The following BNIP1 variants were observed in gnomAD, a reference collection of about 807,000 sequenced individuals.
BNIP1 encodes the protein BCL2 interacting protein 1.
A neutral mutation model predicts 28.5 loss-of-function variants in BNIP1; 25 were observed. That is an observed-to-expected ratio of 0.88 (90% CI 0.64 to 1.23). The LOEUF (loss-of-function observed/expected upper bound fraction) is 1.23, where lower values mean the gene tolerates loss of function less well. Among genes scored for constraint, BNIP1 ranks in the 50% most tolerant of loss-of-function variants. BNIP1 has a pLI of 0.00. For missense variants in BNIP1, 276 were observed against 277.0 expected (o/e 1.00, Z 0.02); for synonymous variants, 118 against 101.7 (o/e 1.16, Z -0.96).
At chr5:173,162,442 G>A (rs1459415425) in intron 5 of BNIP1, among the ~76,000 whole-genome samples, 1 of 152,160 alleles carries the variant, frequency 6.6e-6, no homozygotes, top group Non-Finnish European at 1.5e-5. Context: ...TGACCAACAT[G>A]TTGAAACCCT....
chr5:173,150,133 C>T (rs549263203), intron 2 of BNIP1, among the ~76,000 whole-genome samples: 4 of 152,166 alleles, frequency 2.6e-5, no homozygotes, highest in South Asian at 4.2e-4. Flanking sequence ...TGACCCGTGC[C>T]TGTAATCCCA....
intron 2 of BNIP1, among the ~76,000 whole-genome samples, chr5:173,151,317 C>G (rs994007400): frequency 6.6e-6 from 1 of 151,878 alleles, no homozygotes; most frequent in African/African-American, 2.4e-5. Flanking sequence ...TTCCCAGGCT[C>G]AAGCGATTTT....
In BNIP1 at chr5:173,144,587, A is replaced by C. The variant is rs5745100; in HGVS notation, c.42A>C (p.Gln14His). ...ACGTCCACGTCCGGATCTGTAACCAAGAGATTGTCAAATTTGACCTGGAGG... is the reference window on the plus strand; with the variant it reads ...ACGTCCACGTCCGGATCTGTAACCACGAGATTGTCAAATTTGACCTGGAGG... Reference protein sequence around the residue: ...PQDVHVRICNQEIVKFDLEVK... With the variant: ...PQDVHVRICNHEIVKFDLEVK... The change falls in exon 1 of 6, where the codon CAA becomes CAC. Residue 14 changes from glutamine (Q) to histidine (H), a missense_variant. By Grantham distance (24) the Gln-to-His change is conservative. Transcript: ENST00000351486. The C allele has an allele frequency of 4.8e-4, 767 of 1,613,540 alleles. 8 individuals are homozygous for C. In the African/African-American group the frequency reaches 9.2e-3, roughly 19 times the overall value.
chr5:173,160,108 G>T, intron 5 of BNIP1, 57 bp downstream of exon 5: 1 of 1,520,230 alleles, frequency 6.6e-7, no homozygotes, highest in Non-Finnish European at 9.0e-7. Flanking sequence ...TAGGGCCCTT[G>T]CCCTGGCACC....
chr5:173,149,479 A>G (rs1759954276), intron 2 of BNIP1, among the ~76,000 whole-genome samples: 1 of 151,990 alleles, frequency 6.6e-6, no homozygotes, highest in Non-Finnish European at 1.5e-5. Flanking sequence ...CCCATGACAT[A>G]TTGTGAGAGT....
intron 3 of BNIP1, among the ~76,000 whole-genome samples, chr5:173,155,820 G>C (rs745631376): frequency 3.3e-5 from 5 of 152,090 alleles, no homozygotes; most frequent in African/African-American, 1.2e-4. Flanking sequence ...GGGCTCAAGC[G>C]ATCCTCTCAC....
chr5:173,157,111 C>A (rs1760223546), intron 3 of BNIP1, among the ~76,000 whole-genome samples: 2 of 152,146 alleles, frequency 1.3e-5, no homozygotes, highest in Non-Finnish European at 2.9e-5. Context: ...AGGAGAAGTA[C>A]TGCCCCTCAT....
chr5:173,148,587 G>A (rs1001570321), intron 2 of BNIP1, among the ~76,000 whole-genome samples: 1 of 152,098 alleles, frequency 6.6e-6, no homozygotes, highest in African/African-American at 2.4e-5. Flanking sequence ...GGAATCCTGT[G>A]TAGGCCCTCT....
chr5:173,155,820 G>A (rs745631376), intron 3 of BNIP1, among the ~76,000 whole-genome samples: 3 of 152,090 alleles, frequency 2.0e-5, no homozygotes, highest in Non-Finnish European at 1.5e-5. Context: ...GGGCTCAAGC[G>A]ATCCTCTCAC....
At chr5:173,148,812 G>A (rs1759939152) in intron 2 of BNIP1, among the ~76,000 whole-genome samples, 1 of 152,044 alleles carries the variant, frequency 6.6e-6, no homozygotes, top group Non-Finnish European at 1.5e-5. Flanking sequence ...AGGGAACTCT[G>A]GATCTCCTGG....
At chr5:173,148,079 AAAAAATATATATATATATAT>A (rs1759899449) in intron 2 of BNIP1, among the ~76,000 whole-genome samples, 1 of 49,698 alleles carries the variant, frequency 2.0e-5, no homozygotes, top group Non-Finnish European at 3.5e-5. Context: ...AAAAAAAAAA[AAAAAATATATATATATATAT>A]ATATATATAT....
chr5:173,162,784 A>C (rs947459148), intron 5 of BNIP1, among the ~76,000 whole-genome samples: 1 of 152,122 alleles, frequency 6.6e-6, no homozygotes, highest in African/African-American at 2.4e-5. Flanking sequence ...AAAGGGACAC[A>C]AAAAAGATCA....
At chr5:173,154,217 G>C (rs1760112948) in intron 2 of BNIP1, 105 bp from the exon 3 acceptor site, 1 of 891,008 alleles carries the variant, frequency 1.1e-6, no homozygotes, top group African/African-American at 1.7e-5. Context: ...GTTTTAAAAG[G>C]GTGCTTCAAG....
chr5:173,148,138 T>C (rs1456340829), intron 2 of BNIP1, among the ~76,000 whole-genome samples: 1 of 107,990 alleles, frequency 9.3e-6, no homozygotes, highest in Non-Finnish European at 1.8e-5. Flanking sequence ...ATATATATAT[T>C]TTAATAGAGA....
At chr5:173,154,559 A>C in intron 3 of BNIP1, 146 bp downstream of exon 3, 1 of 631,542 alleles carries the variant, frequency 1.6e-6, no homozygotes, top group Non-Finnish European at 2.7e-6. Flanking sequence ...GTCTCGCTCT[A>C]TTGCCCAGGC....
chr5:173,155,167 G>A (rs1050323381), intron 3 of BNIP1, among the ~76,000 whole-genome samples: 9 of 152,058 alleles, frequency 5.9e-5, no homozygotes, highest in African/African-American at 2.2e-4. Flanking sequence ...ACAAAATTGA[G>A]GTCAAAAATT....
Position 173,146,847 on chromosome 5 carries a change from T to C in BNIP1, c.85-19T>C. 6.3e-7 allele frequency: 1 copy of C among 1,592,506 alleles called. No homozygotes were observed. Among genetic ancestry groups the C allele is most frequent in the Non-Finnish European group, 8.6e-7 (1 of 1,160,542 alleles). On this transcript the variant is annotated intron_variant, in intron 1 of 5. Transcript: ENST00000351486. ...TCATTGCCTTGAGAAAGGCCTTTCA[T>C]CTGTTCAATGTCTCCTAGGATATCC...
In BNIP1 at chr5:173,154,479, G is replaced by A. The variant is rs924756381; in HGVS notation, c.269+66G>A. On this transcript the variant is annotated intron_variant, in intron 3 of 5. Coordinates refer to ENST00000351486, the MANE Select transcript of BNIP1 (RefSeq NM_001205.3). ...TTCTTGTTGCCTGTGAGCCTTGCACGTGTGTTTGCCTGATGGATCTGCTTT... is the reference window on the plus strand; with the variant it reads ...TTCTTGTTGCCTGTGAGCCTTGCACATGTGTTTGCCTGATGGATCTGCTTT... The A allele has an allele frequency of 9.9e-6, 13 of 1,318,746 alleles. No homozygotes were observed. In the African/African-American group the frequency reaches 1.3e-4, roughly 14 times the overall value. 81.7% of individuals were successfully genotyped at this position (1,318,746 alleles called of 1,614,324 possible).
At chr5:173,159,520 A>C (rs766380753) in intron 4 of BNIP1, among the ~76,000 whole-genome samples, 5 of 151,974 alleles carry the variant, frequency 3.3e-5, no homozygotes, top group Middle Eastern at 3.4e-3. Context: ...CTAACAGTAC[A>C]TAGTATGTAG....
Sources: allele counts gnomAD v4.1 joint callset (sites outside exome capture counted in the v4.1 genomes callset), GRCh38; gene constraint gnomAD v4.1.1; transcripts MANE v1.5; gene names NCBI Gene and HGNC (gene_info 2026-07-23, HGNC 2026-07-21).